The following DGKB variants were observed in gnomAD, a reference collection of about 807,000 sequenced individuals.
DGKB encodes the protein diacylglycerol kinase beta.
A neutral mutation model predicts 114.3 loss-of-function variants in DGKB; 67 were observed. The observed-to-expected ratio is 0.59, with a 90% CI of 0.48 to 0.72. The LOEUF is 0.72. DGKB is among the 30% of genes least tolerant of loss of function. The probability of loss-of-function intolerance (pLI) is 0.00; values close to 1 mark genes in which losing one functional copy is unlikely to be tolerated. For synonymous variants in DGKB, 398 were observed against 323.1 expected, an observed-to-expected ratio of 1.23 and a Z score of -2.49; for missense variants, 907 against 975.2, an observed-to-expected ratio of 0.93 and a Z score of 0.93.
intron 23 of DGKB, among the ~76,000 whole-genome samples, chr7:14,338,180 A>G (rs1811015187): frequency 6.6e-6 from 1 of 152,134 alleles, no homozygotes; most frequent in African/African-American, 2.4e-5. Context: ...TCCTTATTCC[A>G]GCAACTCAAA....
At chr7:14,924,193 A>G (rs1224222030) in intron 1 of DGKB, among the ~76,000 whole-genome samples, 5 of 151,952 alleles carry the variant, frequency 3.3e-5, no homozygotes, top group African/African-American at 1.2e-4. Flanking sequence ...AGTTCTTAAA[A>G]ATATTTTTGC....
At chr7:14,658,941 T>C (rs577732292) in intron 13 of DGKB, among the ~76,000 whole-genome samples, 1 of 152,084 alleles carries the variant, frequency 6.6e-6, no homozygotes, top group South Asian at 2.1e-4. Flanking sequence ...CTGGGATACA[T>C]GCGCAGAATG....
chr7:14,662,439 C>A (rs7788765), intron 13 of DGKB, among the ~76,000 whole-genome samples: 1 of 151,996 alleles, frequency 6.6e-6, no homozygotes, highest in Non-Finnish European at 1.5e-5. Flanking sequence ...AAAGCGGACT[C>A]ATTTGTAGGA....
intron 23 of DGKB, among the ~76,000 whole-genome samples, chr7:14,211,393 TGTTTTGTGATATTTA>T (rs1787848532): frequency 1.1e-5 from 1 of 89,484 alleles, no homozygotes; most frequent in Admixed American, 1.2e-4. Flanking sequence ...TTTACTCTCA[TGTTTTGTGATATTTA>T]CTCTCATGTT....
chr7:14,672,886 A>G, intron 13 of DGKB, 43 bp downstream of exon 13: 6 of 1,208,120 alleles, frequency 5.0e-6, no homozygotes, highest in Non-Finnish European at 7.1e-6. Flanking sequence ...CTGATAAGTC[A>G]CAGCAATCCT....
intron 21 of DGKB, among the ~76,000 whole-genome samples, chr7:14,394,730 G>A (rs1821960950): frequency 6.6e-6 from 1 of 151,362 alleles, no homozygotes; most frequent in South Asian, 2.1e-4. Flanking sequence ...CATAAAACAT[G>A]GCTCCCATAC....
intron 20 of DGKB, among the ~76,000 whole-genome samples, chr7:14,510,001 C>T (rs185542422): frequency 1.4e-4 from 21 of 152,196 alleles, no homozygotes; most frequent in African/African-American, 4.8e-4. Context: ...CGGTGAAACC[C>T]CGTCTCTACT....
chr7:14,369,500 T>C (rs1303485084), intron 21 of DGKB, among the ~76,000 whole-genome samples: 2 of 152,230 alleles, frequency 1.3e-5, no homozygotes, highest in Non-Finnish European at 2.9e-5. Context: ...TGCCACATTG[T>C]CTTCCACAGT....
chr7:14,345,318 C>G lies in DGKB; in HGVS notation c.1909G>C (p.Glu637Gln). 1 of 1,539,832 alleles carries G rather than the reference C, an allele frequency of 6.5e-7. No individual in the cohort carries two copies. The highest frequency in any genetic ancestry group is 8.8e-7 in the Non-Finnish European group (1 of 1,139,314). The change falls in exon 22 of 26, where the codon GAA (glutamate) becomes CAA (glutamine). Residue 637 changes from glutamate (E) to glutamine (Q), a missense_variant. By Grantham distance (29) the Glu-to-Gln change is conservative. Transcript: ENST00000402815. ...TFSATCKKLH[E>Q]SVEIECDGVQ... Reference sequence around the variant, plus strand: ...TTTCTTACTTCTATTTCTACAGATTCATGTAGCTTCTTGCAGGTGGCTGAG... The same window carrying G: ...TTTCTTACTTCTATTTCTACAGATTGATGTAGCTTCTTGCAGGTGGCTGAG...
At chr7:14,234,494 AT>A (rs1287354873) in intron 23 of DGKB, among the ~76,000 whole-genome samples, 1 of 152,072 alleles carries the variant, frequency 6.6e-6, no homozygotes, top group African/African-American at 2.4e-5. Flanking sequence ...TGTTACAAAT[AT>A]TTTTCCAGTG....
intron 21 of DGKB, among the ~76,000 whole-genome samples, chr7:14,414,187 C>T (rs886821679): frequency 1.3e-5 from 2 of 151,914 alleles, no homozygotes; most frequent in African/African-American, 4.8e-5. Flanking sequence ...ATGTCTGGAG[C>T]TTAGAAGGTG....
At chr7:14,150,322 C>T (rs1205084100) in intron 25 of DGKB, among the ~76,000 whole-genome samples, 1 of 152,098 alleles carries the variant, frequency 6.6e-6, no homozygotes, top group African/African-American at 2.4e-5. Context: ...AAATATATCT[C>T]TTAAAGTGCA....
intron 23 of DGKB, among the ~76,000 whole-genome samples, chr7:14,216,745 A>G (rs929629043): frequency 2.0e-5 from 3 of 151,028 alleles, no homozygotes; most frequent in African/African-American, 7.3e-5. Context: ...AAAAAAAAAA[A>G]AAAGAACCAT....
At chr7:14,514,235 T>G (rs1425488219) in intron 20 of DGKB, among the ~76,000 whole-genome samples, 1 of 152,112 alleles carries the variant, frequency 6.6e-6, no homozygotes, top group African/African-American at 2.4e-5. Flanking sequence ...TGTTGAACCA[T>G]GATGATACAT....
chr7:14,352,512 C>A (rs1231413983), intron 21 of DGKB, among the ~76,000 whole-genome samples: 9 of 151,672 alleles, frequency 5.9e-5, no homozygotes, highest in African/African-American at 2.2e-4. Flanking sequence ...CATACAAAAA[C>A]GTACACAAAG....
At chr7:14,950,428 T>A (rs1170781954) in intron 1 of DGKB, among the ~76,000 whole-genome samples, 1 of 151,674 alleles carries the variant, frequency 6.6e-6, no homozygotes, top group African/African-American at 2.4e-5. Flanking sequence ...ATTGATGAAA[T>A]GGAGAACAAA....
intron 1 of DGKB, among the ~76,000 whole-genome samples, chr7:14,957,874 T>A (rs1268355327): frequency 2.6e-5 from 4 of 152,076 alleles, no homozygotes; most frequent in Non-Finnish European, 5.9e-5. Flanking sequence ...AATAAAAAGA[T>A]AGTGAAAGTT....
At chr7:14,241,316 C>A (rs980758106) in intron 23 of DGKB, among the ~76,000 whole-genome samples, 1 of 152,076 alleles carries the variant, frequency 6.6e-6, no homozygotes, top group African/African-American at 2.4e-5. Context: ...TTGGAATTTT[C>A]TTTCATGGCT....
At chr7:14,651,134 C>G (rs1308992208) in intron 13 of DGKB, among the ~76,000 whole-genome samples, 4 of 152,118 alleles carry the variant, frequency 2.6e-5, no homozygotes, top group Non-Finnish European at 4.4e-5. Flanking sequence ...GGAATCCTCC[C>G]TAACTCATTT....
Sources: gnomAD v4.1 joint callset for allele counts (sites outside exome capture counted in the v4.1 genomes callset) on GRCh38, gnomAD v4.1.1 for gene constraint, MANE v1.5 for transcripts, NCBI Gene and HGNC (gene_info 2026-07-23, HGNC 2026-07-21) for gene names.